The following HTR1F variants were observed in gnomAD, a reference collection of about 807,000 sequenced individuals.
The protein encoded by HTR1F is 5-hydroxytryptamine receptor 1F.
Under a neutral mutation model 24.0 loss-of-function variants are expected in HTR1F, and 17 were observed. That is an observed-to-expected ratio of 0.71 (90% CI 0.48 to 1.06). The LOEUF (loss-of-function observed/expected upper bound fraction) is 1.06. Ranked by LOEUF, HTR1F falls within the 50% of genes least tolerant of loss-of-function variation. The probability of loss-of-function intolerance (pLI) is 0.00; values close to 1 mark genes in which losing one functional copy is unlikely to be tolerated. For missense variants in HTR1F, 391 were observed against 427.8 expected, an observed-to-expected ratio of 0.91 and a Z score of 0.76; for synonymous variants, 186 against 156.8, an observed-to-expected ratio of 1.19 and a Z score of -1.39.
chr3:87,991,595 G>A lies in HTR1F; in HGVS notation c.846G>A (p.Lys282=). 1 of 1,614,042 alleles carries A rather than the reference G, an allele frequency of 6.2e-7. No homozygotes were observed. The highest frequency in any genetic ancestry group is 1.1e-5 in the South Asian group (1 of 91,062). The change falls in exon 3 of 3, where the codon AAG becomes AAA. Residue 282 remains lysine, a synonymous_variant. Transcript: ENST00000319595. ...FKHEKSWRRQ[K]ISGTRERKAA... is the part of the protein sequence containing the mutation. ...ATGAGAAATCTTGGAGAAGGCAAAA[G>A]ATCTCAGGTACAAGAGAACGGAAAG...
At chr3:87,979,056 GA>G (rs1559656253) in intron 2 of HTR1F, among the ~76,000 whole-genome samples, 2 of 2,032 alleles carry the variant, frequency 9.8e-4, no homozygotes, top group Non-Finnish European at 2.1e-3. Context: ...GGGAGGGAGG[GA>G]GGGGGGGGAG....
At chr3:87,890,912 G>A (rs1421968717) in intron 2 of HTR1F, among the ~76,000 whole-genome samples, 1 of 151,184 alleles carries the variant, frequency 6.6e-6, no homozygotes, top group Non-Finnish European at 1.5e-5. Context: ...CACGATCTCG[G>A]CTCACTGCAA....
chr3:87,841,967 A>G (rs1447193124), intron 2 of HTR1F, among the ~76,000 whole-genome samples: 1 of 151,232 alleles, frequency 6.6e-6, no homozygotes, highest in African/African-American at 2.4e-5. Flanking sequence ...CGTCTTTTGA[A>G]GATTTCCCAA....
intron 2 of HTR1F, among the ~76,000 whole-genome samples, chr3:87,884,372 CA>C (rs1705885260): frequency 6.6e-6 from 1 of 152,154 alleles, no homozygotes; most frequent in African/African-American, 2.4e-5. Context: ...AAAGGAACAA[CA>C]GGTTATCAGC....
chr3:87,930,173 G>C (rs890216045), intron 2 of HTR1F, among the ~76,000 whole-genome samples: 8 of 152,196 alleles, frequency 5.3e-5, no homozygotes, highest in African/African-American at 1.7e-4. Flanking sequence ...ATCAGCTTAA[G>C]AAGCTTTTGG....
chr3:87,952,916 T>C (rs56064296), intron 2 of HTR1F, among the ~76,000 whole-genome samples: 17,034 of 151,780 alleles, frequency 0.11, 1,199 homozygotes, highest in Middle Eastern at 0.16. Context: ...TTACCTCATG[T>C]ATATTTTCTA....
chr3:87,856,297 A>C (rs1327068108), intron 2 of HTR1F, among the ~76,000 whole-genome samples: 1 of 152,080 alleles, frequency 6.6e-6, no homozygotes, highest in Non-Finnish European at 1.5e-5. Flanking sequence ...TGTATCCCTC[A>C]TGAGTAAGAG....
chr3:87,828,292 T>C (rs936151087), intron 2 of HTR1F, among the ~76,000 whole-genome samples: 1 of 152,198 alleles, frequency 6.6e-6, no homozygotes, highest in Admixed American at 6.5e-5. Flanking sequence ...GGGAGTGTCA[T>C]TCACGTTCGA....
chr3:87,863,596 G>T (rs1021339), intron 2 of HTR1F, among the ~76,000 whole-genome samples: 24,461 of 151,962 alleles, frequency 0.16, 2,272 homozygotes, highest in African/African-American at 0.25. Context: ...ATTTCCTTCT[G>T]AGTTTTCCCT....
At chr3:87,927,075 G>A (rs1156466432) in intron 2 of HTR1F, among the ~76,000 whole-genome samples, 1 of 152,146 alleles carries the variant, frequency 6.6e-6, no homozygotes, top group African/African-American at 2.4e-5. Flanking sequence ...TCGAGGCTTT[G>A]TAGAGGACTC....
intron 2 of HTR1F, among the ~76,000 whole-genome samples, chr3:87,906,520 A>T (rs79146744): frequency 0.011 from 1,715 of 150,630 alleles, 28 homozygotes; most frequent in African/African-American, 0.038. Context: ...GTTAATGAAA[A>T]TTTTTTTTTT....
chr3:87,980,169 G>A (rs1024552086), intron 2 of HTR1F, among the ~76,000 whole-genome samples: 63 of 152,312 alleles, frequency 4.1e-4, no homozygotes, highest in Non-Finnish European at 8.8e-5. Flanking sequence ...TGGACAACTG[G>A]AGAGTGAACA....
intron 1 of HTR1F, among the ~76,000 whole-genome samples, chr3:87,809,896 G>T (rs768145940): frequency 6.6e-6 from 1 of 151,660 alleles, no homozygotes; most frequent in Non-Finnish European, 1.5e-5. Context: ...TCATTTTATT[G>T]AATTTTTCTT....
chr3:87,820,496 T>C (rs1249341988), intron 1 of HTR1F, among the ~76,000 whole-genome samples: 2 of 152,122 alleles, frequency 1.3e-5, no homozygotes, highest in Non-Finnish European at 2.9e-5. Flanking sequence ...TTTAACATGA[T>C]TTATGCCCAA....
chr3:87,872,133 T>TA (rs901135274), intron 2 of HTR1F, among the ~76,000 whole-genome samples: 11 of 151,946 alleles, frequency 7.2e-5, no homozygotes, highest in African/African-American at 2.4e-4. Flanking sequence ...ATGTGGAAAT[T>TA]AAAAAACATA....
intron 2 of HTR1F, among the ~76,000 whole-genome samples, chr3:87,917,143 T>C (rs915133234): frequency 2.6e-5 from 4 of 151,704 alleles, no homozygotes; most frequent in Admixed American, 6.6e-5. Context: ...AAAATTAAAA[T>C]TAAAAAATTC....
chr3:87,903,578 C>A (rs1448398607), intron 2 of HTR1F, among the ~76,000 whole-genome samples: 1 of 150,718 alleles, frequency 6.6e-6, no homozygotes, highest in East Asian at 2.0e-4. Flanking sequence ...CAATGAGATA[C>A]CATCTCACAC....
intron 2 of HTR1F, among the ~76,000 whole-genome samples, chr3:87,985,308 C>T (rs975546943): frequency 2.0e-5 from 3 of 150,922 alleles, no homozygotes; most frequent in Non-Finnish European, 4.4e-5. Flanking sequence ...TGTATTCCAG[C>T]CTGGGCAACA....
intron 1 of HTR1F, among the ~76,000 whole-genome samples, chr3:87,795,819 AAG>A (rs1703895297): frequency 6.6e-6 from 1 of 152,230 alleles, no homozygotes; most frequent in Non-Finnish European, 1.5e-5. Flanking sequence ...AAATGAACAA[AAG>A]AGACATATTT....
Sources: gnomAD v4.1 joint callset for allele counts (sites outside exome capture counted in the v4.1 genomes callset) on GRCh38, gnomAD v4.1.1 for gene constraint, MANE v1.5 for transcripts, NCBI Gene and HGNC (gene_info 2026-07-23, HGNC 2026-07-21) for gene names.